WASF2: variants seen among roughly 807,000 people sequenced by gnomAD.
WASF2 encodes WASP family member 2, also known as actin-binding protein WASF2.
A neutral mutation model predicts 45.0 loss-of-function variants in WASF2; 14 were observed. The observed-to-expected ratio is 0.31, with a 90% CI of 0.21 to 0.49. The LOEUF (loss-of-function observed/expected upper bound fraction) is 0.49. WASF2 is among the 20% of genes least tolerant of loss of function. WASF2 has a pLI of 0.99. For synonymous variants in WASF2, 200 were observed against 236.3 expected (o/e 0.85, Z 1.41); for missense variants, 439 against 636.1 (o/e 0.69, Z 3.33).
Position 27,428,997 on chromosome 1 carries a change from G to C in WASF2, c.-43-64C>G, listed in dbSNP as rs181464062. 64 of 772,694 alleles carry C rather than the reference G, an allele frequency of 8.3e-5. No individual in the cohort carries two copies. In the East Asian group the frequency reaches 2.6e-3, roughly 31 times the overall value. The allele number at this position is 772,694 out of a possible 1,614,324, so 47.9% of individuals were successfully genotyped here. ...AATTCCAGGCACACTAGGGCTGTGT[G>C]AATCTTTTTTTTTTTTTTTTTTGGT... On this transcript the variant is annotated intron_variant, in intron 1 of 8. Coordinates refer to ENST00000618852, the MANE Select transcript of WASF2 (RefSeq NM_006990.5).
chr1:27,440,824 A>G (rs2148118643), intron 1 of WASF2, among the ~76,000 whole-genome samples: 1 of 152,266 alleles, frequency 6.6e-6, no homozygotes, highest in East Asian at 1.9e-4. Flanking sequence ...TCAATGATGG[A>G]CTATGATGGA....
intron 1 of WASF2, among the ~76,000 whole-genome samples, chr1:27,482,913 C>G (rs1234027843): frequency 6.6e-6 from 1 of 152,162 alleles, no homozygotes; most frequent in East Asian, 1.9e-4. Flanking sequence ...GTAACAATAT[C>G]TGGAGACATT....
At chr1:27,448,543 T>C (rs2148123539) in intron 1 of WASF2, among the ~76,000 whole-genome samples, 1 of 152,274 alleles carries the variant, frequency 6.6e-6, no homozygotes, top group Non-Finnish European at 1.5e-5. Flanking sequence ...CCAGTTTATC[T>C]AGGAAAGTAG....
intron 1 of WASF2, among the ~76,000 whole-genome samples, chr1:27,487,858 T>C (rs1182545279): frequency 1.4e-5 from 2 of 148,088 alleles, no homozygotes; most frequent in Non-Finnish European, 3.0e-5. Context: ...GAATAATCCA[T>C]TGTAAATAAT....
rs538267452 is a variant in WASF2, at chr1:27,419,857, A to G, written c.131-769T>C. On this transcript the variant is annotated intron_variant, in intron 2 of 8. Coordinates refer to ENST00000618852, the MANE Select transcript of WASF2 (RefSeq NM_006990.5). The stretch of plus-strand genomic sequence containing the variant: ...CAACAAGCCATAGCAGAGATATACA[A>G]CTTCTTTTAAGAGGTGGGAAGGTTC... Among the ~76,000 whole-genome samples the G allele has an allele frequency of 5.3e-5, 8 of 152,180 alleles. No individual in the cohort carries two copies. The East Asian group carries it at 1.4e-3, about 26-fold the overall frequency.
At chr1:27,487,665 T>A (rs1316731559) in intron 1 of WASF2, among the ~76,000 whole-genome samples, 10 of 104,530 alleles carry the variant, frequency 9.6e-5, no homozygotes, top group South Asian at 2.5e-4. Context: ...ATAATATATA[T>A]TATATATATT....
intron 1 of WASF2, among the ~76,000 whole-genome samples, chr1:27,464,235 G>T (rs1281460824): frequency 3.3e-5 from 5 of 151,716 alleles, no homozygotes; most frequent in African/African-American, 1.2e-4. Flanking sequence ...AAAAAAATTA[G>T]CTGGGCATGG....
chr1:27,487,068 T>A (rs1326690757), intron 1 of WASF2, among the ~76,000 whole-genome samples: 1 of 147,376 alleles, frequency 6.8e-6, no homozygotes, highest in African/African-American at 2.5e-5. Context: ...AACATATATA[T>A]AAAATATAGA....
At chr1:27,442,214 A>G (rs762065312) in intron 1 of WASF2, among the ~76,000 whole-genome samples, 6 of 152,148 alleles carry the variant, frequency 3.9e-5, no homozygotes, top group Non-Finnish European at 7.3e-5. Context: ...TGGATCCCAT[A>G]AACATATACA....
At chr1:27,423,301 G>C (rs2016933871) in intron 2 of WASF2, among the ~76,000 whole-genome samples, 1 of 151,940 alleles carries the variant, frequency 6.6e-6, no homozygotes, top group Admixed American at 6.6e-5. Flanking sequence ...GGATTCAAGA[G>C]ATTCTCCTGC....
rs2016746595 is a variant in WASF2 at position 27,410,432 on chromosome 1, G to A, written c.825-226C>T. On this transcript the variant is annotated intron_variant, in intron 7 of 8. Transcript: ENST00000618852. This position sits in a 1 kb window ranked among gnomAD's most constrained non-coding sequence, Gnocchi z 4.2. ...CAGTAGAGGAGGATAGACAGATTGA[G>A]TAAAACTACCTGCAAGAAGTGGACT... Among the ~76,000 whole-genome samples, 1 of 152,200 alleles carries A rather than the reference G, an allele frequency of 6.6e-6. No individual in the cohort carries two copies. Among genetic ancestry groups the A allele is most frequent in the African/African-American group, 2.4e-5 (1 of 41,448 alleles).
At chr1:27,479,947 G>A (rs1013788440) in intron 1 of WASF2, among the ~76,000 whole-genome samples, 1 of 152,186 alleles carries the variant, frequency 6.6e-6, no homozygotes, top group Non-Finnish European at 1.5e-5. Flanking sequence ...ACAAAGTGGA[G>A]CACTATGCTT....
intron 1 of WASF2, among the ~76,000 whole-genome samples, chr1:27,456,900 C>T (rs961928655): frequency 2.0e-5 from 3 of 151,896 alleles, no homozygotes; most frequent in Non-Finnish European, 4.4e-5. Flanking sequence ...CCGCCACGCC[C>T]GGCAATTTTT....
Position 27,404,525 on chromosome 1 carries a change from A to G in WASF2, c.*3664T>C, listed in dbSNP as rs1016926614. ...GAGCTCCTTTCCCATCCTCAGGGGA[A>G]GAGTGCCTGTTTTCAAACGGCATCC... On this transcript the variant is annotated 3_prime_UTR_variant, in exon 9 of 9. Transcript: ENST00000618852. 2 of 152,230 alleles carry G rather than the reference A, an allele frequency of 1.3e-5. No homozygotes were observed. Among genetic ancestry groups the G allele is most frequent in the Admixed American group, 6.5e-5 (1 of 15,276 alleles). 9.4% of individuals were successfully genotyped at this position (152,230 alleles called of 1,614,324 possible).
chr1:27,449,502 G>A (rs1457534666), intron 1 of WASF2, among the ~76,000 whole-genome samples: 1 of 151,970 alleles, frequency 6.6e-6, no homozygotes, highest in Admixed American at 6.6e-5. Context: ...GGGAGGTTGA[G>A]GCAGGAGAAT....
intron 2 of WASF2, among the ~76,000 whole-genome samples, chr1:27,423,507 AG>A (rs1273780011): frequency 4.6e-5 from 7 of 152,226 alleles, no homozygotes; most frequent in Admixed American, 4.6e-4. Flanking sequence ...TTAAGCTTAG[AG>A]GAAAATTTTA....
chr1:27,445,306 T>C (rs1056519963), intron 1 of WASF2, among the ~76,000 whole-genome samples: 1 of 152,336 alleles, frequency 6.6e-6, no homozygotes, highest in East Asian at 1.9e-4. Flanking sequence ...GAGTGATTCA[T>C]AACTTTATGA....
chr1:27,445,773 A>C (rs1482519674), intron 1 of WASF2, among the ~76,000 whole-genome samples: 1 of 151,970 alleles, frequency 6.6e-6, no homozygotes, highest in Admixed American at 6.6e-5. Context: ...ACTTTTATCT[A>C]CAGGGTCCCT....
intron 1 of WASF2, among the ~76,000 whole-genome samples, chr1:27,484,367 T>G (rs1335386014): frequency 1.3e-5 from 2 of 152,184 alleles, no homozygotes; most frequent in African/African-American, 4.8e-5. Context: ...GTTTCTCATA[T>G]AGCATACACT....
Sources: gnomAD v4.1 joint callset for allele counts (sites outside exome capture counted in the v4.1 genomes callset) on GRCh38, gnomAD v4.1.1 for gene constraint, Gnocchi (gnomAD v3.1) non-coding constraint, MANE v1.5 for transcripts, NCBI Gene and HGNC (gene_info 2026-07-23, HGNC 2026-07-21) for gene names.